Variants in FHIT observed in about 807,000 individuals in gnomAD.
The protein encoded by FHIT is bis(5'-adenosyl)-triphosphatase.
A neutral mutation model predicts 17.9 loss-of-function variants in FHIT; 19 were observed. The observed-to-expected ratio is 1.06, with a 90% confidence interval of 0.74 to 1.56. The LOEUF (loss-of-function observed/expected upper bound fraction) is 1.56. Among genes scored for constraint, FHIT ranks in the 40% most tolerant of loss-of-function variants. The pLI is 0.00. For missense variants in FHIT, 248 were observed against 189.2 expected, an observed-to-expected ratio of 1.31 and a Z score of -1.82; for synonymous variants, 81 against 69.7, an observed-to-expected ratio of 1.16 and a Z score of -0.81.
intron 2 of FHIT, among the ~76,000 whole-genome samples, chr3:61,185,297 C>A (rs1477514118): frequency 6.6e-6 from 1 of 152,290 alleles, no homozygotes; most frequent in Admixed American, 6.5e-5. Flanking sequence ...CTTCCCAGAA[C>A]CCTGAGGGAG....
At chr3:61,155,761 G>A (rs9876185) in intron 2 of FHIT, among the ~76,000 whole-genome samples, 37,060 of 152,040 alleles carry the variant, frequency 0.24, 4,963 homozygotes, top group East Asian at 0.44. Context: ...AATATCTACA[G>A]ACTTCACTTT....
intron 2 of FHIT, among the ~76,000 whole-genome samples, chr3:61,115,477 G>A (rs1045629690): frequency 6.6e-6 from 1 of 152,076 alleles, no homozygotes; most frequent in African/African-American, 2.4e-5. Flanking sequence ...GAAATGATGG[G>A]AGATAGGCAA....
chr3:60,571,556 T>C (rs951454387), intron 4 of FHIT, among the ~76,000 whole-genome samples: 1 of 152,030 alleles, frequency 6.6e-6, no homozygotes, highest in African/African-American at 2.4e-5. Context: ...GCAAAAAGTG[T>C]GTCCCCAGAC....
rs554867473 is a variant in FHIT, at chr3:60,848,009, C to T, written c.-110-25998G>A. The stretch of plus-strand genomic sequence containing the variant: ...TTCCTCTTTCCCCTAGTTTGCACTT[C>T]CTACTTATTGCTGCATACCATCACA... On this transcript the variant is annotated intron_variant, in intron 3 of 9. Coordinates refer to ENST00000492590, the MANE Select transcript of FHIT (RefSeq NM_002012.4). 2.0e-5 allele frequency among the ~76,000 whole-genome samples: 3 copies of T among 152,272 alleles called. No individual in the cohort carries two copies. The East Asian group carries it at 5.8e-4, about 29-fold the overall frequency.
chr3:60,224,799 A>C (rs569270198), intron 5 of FHIT, among the ~76,000 whole-genome samples: 1 of 151,732 alleles, frequency 6.6e-6, no homozygotes, highest in African/African-American at 2.4e-5. Flanking sequence ...GTCTTGGCTG[A>C]AAACTCCGGC....
intron 4 of FHIT, among the ~76,000 whole-genome samples, chr3:60,698,029 C>T (rs1367812161): frequency 6.6e-6 from 1 of 152,148 alleles, no homozygotes; most frequent in Middle Eastern, 3.2e-3. Context: ...TCTAACAATG[C>T]TAACCACTCT....
Position 60,207,408 on chromosome 3 carries a change from C to T in FHIT, c.104-193256G>A, listed in dbSNP as rs142285720. ...TTTCAATAATGGCCTTCCAACAGAC[C>T]TCGAAAGGCTTCTATATGGGTCACT... On this transcript the variant is annotated intron_variant, in intron 5 of 9. Transcript: ENST00000492590. Among the ~76,000 whole-genome samples the T allele has an allele frequency of 6.2e-3, 945 of 152,162 alleles. 9 individuals are homozygous for T. Among genetic ancestry groups the T allele is most frequent in the African/African-American group, 0.021 (869 of 41,508 alleles).
chr3:60,237,262 A>ATTTTTTTTTTT (rs201958097), intron 5 of FHIT, among the ~76,000 whole-genome samples: 6 of 124,828 alleles, frequency 4.8e-5, no homozygotes, highest in Admixed American at 1.6e-4. Context: ...TTGTTTTTCC[A>ATTTTTTTTTTT]TTTTTTTTTT....
intron 2 of FHIT, among the ~76,000 whole-genome samples, chr3:61,047,041 G>A (rs11917858): frequency 0.17 from 26,310 of 152,048 alleles, 2,362 homozygotes; most frequent in African/African-American, 0.2. Context: ...ATATCATACC[G>A]AATGGGCAAA....
chr3:60,382,604 T>C (rs1700849727), intron 5 of FHIT, among the ~76,000 whole-genome samples: 1 of 152,210 alleles, frequency 6.6e-6, no homozygotes, highest in African/African-American at 2.4e-5. Context: ...TGTTGATTCT[T>C]GTCAAGTAAA....
chr3:60,567,988 G>C (rs1055497542), intron 4 of FHIT, among the ~76,000 whole-genome samples: 1 of 152,282 alleles, frequency 6.6e-6, no homozygotes, highest in African/African-American at 2.4e-5. Context: ...GGAGAAATAG[G>C]AACACTTTAC....
intron 5 of FHIT, among the ~76,000 whole-genome samples, chr3:60,392,422 T>C (rs1332926944): frequency 2.0e-5 from 3 of 152,216 alleles, no homozygotes; most frequent in African/African-American, 7.2e-5. Flanking sequence ...AAGCCTACAG[T>C]GGCAGACCAT....
chr3:60,117,839 A>C (rs1478289461), intron 5 of FHIT, among the ~76,000 whole-genome samples: 1 of 152,158 alleles, frequency 6.6e-6, no homozygotes, highest in East Asian at 1.9e-4. Context: ...TACAACCTTC[A>C]GGATGTTCAA....
intron 5 of FHIT, among the ~76,000 whole-genome samples, chr3:60,457,842 T>A (rs1326473035): frequency 6.6e-6 from 1 of 152,048 alleles, no homozygotes; most frequent in Non-Finnish European, 1.5e-5. Context: ...ACGCTCATCA[T>A]CACTGGCCAT....
At chr3:60,138,674 AG>A (rs1404722950) in intron 5 of FHIT, among the ~76,000 whole-genome samples, 1 of 152,026 alleles carries the variant, frequency 6.6e-6, no homozygotes, top group African/African-American at 2.4e-5. Flanking sequence ...TTTTTCAGGC[AG>A]GGTTGAGCTT....
intron 4 of FHIT, among the ~76,000 whole-genome samples, chr3:60,781,230 C>T (rs1361367253): frequency 6.6e-6 from 1 of 152,184 alleles, no homozygotes; most frequent in Non-Finnish European, 1.5e-5. Context: ...GCTTTAGCAT[C>T]TACACGTGCT....
At chr3:60,514,304 C>T (rs1270973571) in intron 5 of FHIT, among the ~76,000 whole-genome samples, 1 of 152,240 alleles carries the variant, frequency 6.6e-6, no homozygotes, top group Non-Finnish European at 1.5e-5. Flanking sequence ...ATGGGGCATG[C>T]ACAGGGCCTG....
intron 8 of FHIT, among the ~76,000 whole-genome samples, chr3:59,913,256 C>G (rs1045610316): frequency 6.6e-6 from 1 of 151,980 alleles, no homozygotes; most frequent in Admixed American, 6.6e-5. Flanking sequence ...GATATGAAAA[C>G]CATTTGGGAT....
At chr3:60,024,302 T>C (rs999582135) in intron 5 of FHIT, among the ~76,000 whole-genome samples, 1 of 152,188 alleles carries the variant, frequency 6.6e-6, no homozygotes, top group African/African-American at 2.4e-5. Context: ...AGAATATGAA[T>C]CAACGTCTTT....
Sources: allele counts gnomAD v4.1 joint callset (sites outside exome capture counted in the v4.1 genomes callset), GRCh38; gene constraint gnomAD v4.1.1; transcripts MANE v1.5; gene names NCBI Gene and HGNC (gene_info 2026-07-23, HGNC 2026-07-21).